RPH3A: variants seen among roughly 807,000 people sequenced by gnomAD.
The protein encoded by RPH3A is rabphilin-3A.
Under a neutral mutation model 102.2 loss-of-function variants are expected in RPH3A, and 48 were observed. That is an observed-to-expected ratio of 0.47 (90% CI 0.37 to 0.60). The LOEUF is 0.60. Among genes scored for constraint, RPH3A ranks in the 20% least tolerant of loss-of-function variants. The pLI is 0.00. For missense variants in RPH3A, 781 were observed against 910.1 expected, an observed-to-expected ratio of 0.86 and a Z score of 1.83; for synonymous variants, 310 against 324.3, an observed-to-expected ratio of 0.96 and a Z score of 0.47.
chr12:112,660,954 A>G (rs1210599442), intron 1 of RPH3A, among the ~76,000 whole-genome samples: 1 of 152,198 alleles, frequency 6.6e-6, no homozygotes, highest in Non-Finnish European at 1.5e-5. Context: ...GTCATCTACC[A>G]GTTGGCTTGG....
rs1288611562 is a variant in RPH3A, at chr12:112,677,473, C to CCTTT, written c.-140+102157_-140+102158insTCTT. On this transcript the variant is annotated intron_variant, in intron 1 of 21. Coordinates refer to the RPH3A transcript ENST00000543106. The stretch of plus-strand genomic sequence containing the variant: ...TCCTTCCTTCCTTCCTTCCTTCCTT[C>CCTTT]CTTCCTTCCTTCCCTCTTTCTCTTT... 1.7e-3 allele frequency among the ~76,000 whole-genome samples: 243 copies of CCTTT among 140,210 alleles called. 1 individual carries two copies. The highest frequency in any genetic ancestry group is 6.5e-3 in the African/African-American group (229 of 35,500). The allele number at this position is 140,210 out of a possible 152,430, so 92.0% of individuals were successfully genotyped here. A position where few individuals can be genotyped will look rare whatever the true frequency, so the allele number is the denominator to read the frequency against.
At chr12:112,870,620 G>C (rs1253879855) in intron 10 of RPH3A, among the ~76,000 whole-genome samples, 2 of 152,170 alleles carry the variant, frequency 1.3e-5, no homozygotes, top group African/African-American at 2.4e-5. Flanking sequence ...CCTTGTCTGA[G>C]ACCTCAAAGC....
At chr12:112,887,570 A>G (rs1565944504) in intron 16 of RPH3A, among the ~76,000 whole-genome samples, 1 of 152,232 alleles carries the variant, frequency 6.6e-6, no homozygotes, top group Non-Finnish European at 1.5e-5. Context: ...TACAAATGCA[A>G]GGGTTCATCA....
intron 2 of RPH3A, among the ~76,000 whole-genome samples, chr12:112,794,308 A>G (rs2041184953): frequency 6.6e-6 from 1 of 152,140 alleles, no homozygotes; most frequent in Non-Finnish European, 1.5e-5. Context: ...TTCTCTGACT[A>G]TGAGATAGGT....
chr12:112,676,813 C>T (rs2040178193), intron 1 of RPH3A, among the ~76,000 whole-genome samples: 1 of 152,178 alleles, frequency 6.6e-6, no homozygotes, highest in African/African-American at 2.4e-5. Flanking sequence ...GACATCCTGG[C>T]ATTCCTGTGA....
chr12:112,819,747 G>A (rs1439877739), intron 2 of RPH3A, among the ~76,000 whole-genome samples: 1 of 152,258 alleles, frequency 6.6e-6, no homozygotes, highest in African/African-American at 2.4e-5. Flanking sequence ...ACTGGCTGGT[G>A]TGTGACAGGA....
intron 3 of RPH3A, among the ~76,000 whole-genome samples, chr12:112,829,923 G>T (rs957364973): frequency 6.6e-6 from 1 of 152,216 alleles, no homozygotes; most frequent in Non-Finnish European, 1.5e-5. Context: ...TGAAAGACAA[G>T]TGTTAAAGTC....
intron 1 of RPH3A, among the ~76,000 whole-genome samples, chr12:112,628,566 C>A (rs1354144287): frequency 1.7e-5 from 1 of 59,536 alleles, no homozygotes; most frequent in Non-Finnish European, 2.8e-5. Context: ...CTGTCTTTAC[C>A]ACAAAAAAAA....
At chr12:112,777,884 G>A (rs566656093) in intron 1 of RPH3A, among the ~76,000 whole-genome samples, 1 of 152,288 alleles carries the variant, frequency 6.6e-6, no homozygotes, top group Admixed American at 6.5e-5. Flanking sequence ...TGGCTTTGTT[G>A]GAGCTTCTGT....
chr12:112,750,612 C>T (rs1454786617), intron 1 of RPH3A, among the ~76,000 whole-genome samples: 1 of 152,142 alleles, frequency 6.6e-6, no homozygotes, highest in African/African-American at 2.4e-5. Context: ...AATGGTAAGG[C>T]CCAAGAGATG....
chr12:112,586,096 G>T (rs1172659135), intron 1 of RPH3A, among the ~76,000 whole-genome samples: 1 of 152,146 alleles, frequency 6.6e-6, no homozygotes. Flanking sequence ...GAAATCTGAT[G>T]TGTCATATAA....
intron 1 of RPH3A, among the ~76,000 whole-genome samples, chr12:112,683,867 G>A (rs2040244270): frequency 6.6e-6 from 1 of 152,050 alleles, no homozygotes; most frequent in African/African-American, 2.4e-5. Context: ...AGGAGAGAGG[G>A]GCAGGACATT....
intron 1 of RPH3A, among the ~76,000 whole-genome samples, chr12:112,737,154 CA>C (rs57703782): frequency 4.7e-3 from 546 of 117,362 alleles, no homozygotes; most frequent in African/African-American, 0.015. Context: ...GACCCTGTCT[CA>C]AAAAAAAAAA....
chr12:112,812,521 T>C (rs1415497382), intron 2 of RPH3A, among the ~76,000 whole-genome samples: 1 of 152,212 alleles, frequency 6.6e-6, no homozygotes, highest in Non-Finnish European at 1.5e-5. Flanking sequence ...GAAACCAGCA[T>C]TTCAGGGTGT....
At chr12:112,592,544 C>T (rs1003121095) in intron 1 of RPH3A, among the ~76,000 whole-genome samples, 1 of 152,170 alleles carries the variant, frequency 6.6e-6, no homozygotes, top group African/African-American at 2.4e-5. Context: ...TTCTCGAACT[C>T]CTGACCTCAC....
rs973602159 is a variant in RPH3A, at chr12:112,849,562, C to T, written c.230+1720C>T. ...TGTTCAACCTTTTTCTTGCATGGCA[C>T]TTACCACCAGCTATCACATTTTATA... On this transcript the variant is annotated intron_variant, in intron 5 of 21. Coordinates refer to ENST00000389385, the MANE Select transcript of RPH3A (RefSeq NM_001143854.2). Among the ~76,000 whole-genome samples, 7 of 152,310 alleles carry T rather than the reference C, an allele frequency of 4.6e-5. No homozygotes were observed. In the South Asian group the frequency reaches 1.2e-3, roughly 27 times the overall value.
chr12:112,680,186 C>T (rs981514047), intron 1 of RPH3A, among the ~76,000 whole-genome samples: 6 of 152,152 alleles, frequency 3.9e-5, no homozygotes, highest in South Asian at 2.1e-4. Context: ...TTGTGCAAGA[C>T]CTCAAGGCTG....
At chr12:112,690,887 G>A (rs1395568002) in intron 1 of RPH3A, among the ~76,000 whole-genome samples, 2 of 111,180 alleles carry the variant, frequency 1.8e-5, no homozygotes, top group African/African-American at 6.0e-5. Context: ...CCAAAAGCAT[G>A]GGGGGGATAC....
chr12:112,654,520 T>C (rs1250750239), intron 1 of RPH3A, among the ~76,000 whole-genome samples: 2 of 152,152 alleles, frequency 1.3e-5, no homozygotes, highest in African/African-American at 4.8e-5. Flanking sequence ...TTAAAGTTGT[T>C]TGCCGTCTCA....
Sources: gnomAD v4.1 joint callset for allele counts (sites outside exome capture counted in the v4.1 genomes callset) on GRCh38, gnomAD v4.1.1 for gene constraint, MANE v1.5 for transcripts, NCBI Gene and HGNC (gene_info 2026-07-23, HGNC 2026-07-21) for gene names.